GRID2: variants seen among roughly 807,000 people sequenced by gnomAD.
The protein encoded by GRID2 is glutamate ionotropic receptor delta type subunit 2.
Under a neutral mutation model 114.8 loss-of-function variants are expected in GRID2, and 33 were observed. The ratio of observed to expected loss-of-function variants is 0.29; its 90% CI spans 0.22 to 0.38. The LOEUF (loss-of-function observed/expected upper bound fraction) is 0.38. Ranked by LOEUF, GRID2 falls within the 10% of genes least tolerant of loss-of-function variation. GRID2 has a pLI of 1.00. For synonymous variants in GRID2, 505 were observed against 449.9 expected (o/e 1.12, Z -1.55); for missense variants, 1,184 against 1,257.7 (o/e 0.94, Z 0.89).
intron 4 of GRID2, among the ~76,000 whole-genome samples, chr4:93,142,392 G>A (rs1735858040): frequency 1.3e-5 from 2 of 152,158 alleles, no homozygotes; most frequent in African/African-American, 2.4e-5. Context: ...AATGGTGTCT[G>A]GTGAGGCCCT....
At chr4:93,656,383 G>A (rs1333279674) in intron 14 of GRID2, among the ~76,000 whole-genome samples, 2 of 151,964 alleles carry the variant, frequency 1.3e-5, no homozygotes, top group Non-Finnish European at 2.9e-5. Context: ...GACAAGAAAA[G>A]CTCTAAAATA....
intron 1 of GRID2, among the ~76,000 whole-genome samples, chr4:92,523,790 A>G (rs542744950): frequency 1.3e-4 from 20 of 152,094 alleles, no homozygotes; most frequent in African/African-American, 4.8e-4. Flanking sequence ...AGGGGCTCAG[A>G]GAGTGGGAGT....
At chr4:93,551,966 G>A (rs540525777) in intron 13 of GRID2, among the ~76,000 whole-genome samples, 1 of 151,906 alleles carries the variant, frequency 6.6e-6, no homozygotes, top group African/African-American at 2.4e-5. Context: ...TGCCATGTTG[G>A]TGTGCTGCAC....
intron 14 of GRID2, among the ~76,000 whole-genome samples, chr4:93,679,117 G>A (rs1247630417): frequency 6.6e-6 from 1 of 150,808 alleles, no homozygotes; most frequent in Admixed American, 6.6e-5. Context: ...AAAAAGTCAG[G>A]GATTGCAATC....
intron 14 of GRID2, among the ~76,000 whole-genome samples, chr4:93,748,207 C>T (rs1034852300): frequency 1.3e-5 from 2 of 152,036 alleles, no homozygotes; most frequent in Non-Finnish European, 2.9e-5. Context: ...TACAGAGAGA[C>T]ACTGTATGGG....
At chr4:92,994,666 T>C (rs931096600) in intron 2 of GRID2, among the ~76,000 whole-genome samples, 1 of 152,050 alleles carries the variant, frequency 6.6e-6, no homozygotes, top group African/African-American at 2.4e-5. Flanking sequence ...AAAAGCTGGC[T>C]CTCAATTGAT....
At chr4:93,728,764 C>G (rs1306507475) in intron 14 of GRID2, among the ~76,000 whole-genome samples, 1 of 151,916 alleles carries the variant, frequency 6.6e-6, no homozygotes, top group Admixed American at 6.6e-5. Flanking sequence ...CTCTTTTGAT[C>G]TTTGTTGGTT....
chr4:92,481,981 GATATATATATATATATATATATAT>G lies in GRID2; in HGVS notation c.89-108120_89-108097del, dbSNP rs35103752. Among the ~76,000 whole-genome samples the G allele has an allele frequency of 3.7e-3, 177 of 47,236 alleles. 3 individuals carry two copies. Among genetic ancestry groups the G allele is most frequent in the Middle Eastern group, 0.014 (1 of 74 alleles). 31.0% of individuals were successfully genotyped at this position (47,236 alleles called of 152,430 possible). A position where few individuals can be genotyped will look rare whatever the true frequency, so the allele number is the denominator to read the frequency against. The stretch of plus-strand genomic sequence containing the variant: ...AGTGGTGGACTGGAGAATAAAATGT[GATATATATATATATATATATATAT>G]ATATATATATATATATATATATATA... On this transcript the variant is annotated intron_variant, in intron 1 of 15. Coordinates refer to ENST00000282020, the MANE Select transcript of GRID2 (RefSeq NM_001510.4).
At chr4:93,317,293 C>A (rs926805208) in intron 8 of GRID2, among the ~76,000 whole-genome samples, 1 of 149,972 alleles carries the variant, frequency 6.7e-6, no homozygotes, top group African/African-American at 2.5e-5. Context: ...GATTAGCTTG[C>A]GTATAGAGAT....
intron 2 of GRID2, among the ~76,000 whole-genome samples, chr4:92,675,217 C>T (rs1032250644): frequency 3.9e-5 from 6 of 152,104 alleles, no homozygotes; most frequent in African/African-American, 1.4e-4. Context: ...GGGTATTCAT[C>T]AAAGATTCCT....
At chr4:92,441,061 T>C (rs1733036690) in intron 1 of GRID2, among the ~76,000 whole-genome samples, 1 of 151,882 alleles carries the variant, frequency 6.6e-6, no homozygotes, top group Non-Finnish European at 1.5e-5. Context: ...CATGCAGACA[T>C]GAGGGCTAGG....
chr4:92,736,554 G>A (rs1319318196), intron 2 of GRID2, among the ~76,000 whole-genome samples: 1 of 152,014 alleles, frequency 6.6e-6, no homozygotes, highest in Non-Finnish European at 1.5e-5. Context: ...CCTATCGAAT[G>A]TCCTAACCAA....
At chr4:93,730,981 G>T (rs1448713110) in intron 14 of GRID2, among the ~76,000 whole-genome samples, 1 of 152,220 alleles carries the variant, frequency 6.6e-6, no homozygotes, top group Non-Finnish European at 1.5e-5. Flanking sequence ...CGTGGGGAGG[G>T]CAGTTTCCCC....
chr4:92,714,218 A>G (rs577390584), intron 2 of GRID2, among the ~76,000 whole-genome samples: 1 of 152,334 alleles, frequency 6.6e-6, no homozygotes, highest in East Asian at 1.9e-4. Context: ...GAGGCAGTCA[A>G]CTTTTAAAGC....
At chr4:92,994,173 G>A (rs1482174431) in intron 2 of GRID2, among the ~76,000 whole-genome samples, 3 of 152,102 alleles carry the variant, frequency 2.0e-5, no homozygotes, top group Non-Finnish European at 4.4e-5. Flanking sequence ...AATGGAGGAA[G>A]GAAAAAAGCA....
intron 2 of GRID2, among the ~76,000 whole-genome samples, chr4:92,881,273 C>T (rs1275748142): frequency 6.6e-6 from 1 of 152,172 alleles, no homozygotes; most frequent in Non-Finnish European, 1.5e-5. Context: ...TCAGAGCTCG[C>T]CACCTGAGTT....
chr4:92,384,047 A>G (rs979918661), intron 1 of GRID2, among the ~76,000 whole-genome samples: 2 of 151,788 alleles, frequency 1.3e-5, no homozygotes, highest in African/African-American at 4.8e-5. Context: ...GAATAAGGAT[A>G]TATTCTAGTT....
At chr4:93,155,204 C>T (rs1737067695) in intron 4 of GRID2, among the ~76,000 whole-genome samples, 1 of 151,834 alleles carries the variant, frequency 6.6e-6, no homozygotes, top group Non-Finnish European at 1.5e-5. Flanking sequence ...CAGTTATTCA[C>T]CAAGTTTTCT....
At chr4:93,500,967 T>C (rs1459666977) in intron 12 of GRID2, among the ~76,000 whole-genome samples, 1 of 152,042 alleles carries the variant, frequency 6.6e-6, no homozygotes, top group African/African-American at 2.4e-5. Flanking sequence ...TGTATTGGAA[T>C]ACTATTCTAC....
Sources: gnomAD v4.1 joint callset for allele counts (sites outside exome capture counted in the v4.1 genomes callset) on GRCh38, gnomAD v4.1.1 for gene constraint, MANE v1.5 for transcripts, NCBI Gene and HGNC (gene_info 2026-07-23, HGNC 2026-07-21) for gene names.